The following BMPR1B variants were observed in gnomAD, a reference collection of about 807,000 sequenced individuals.
BMPR1B encodes the protein bone morphogenetic protein receptor type 1B.
A neutral mutation model predicts 59.1 loss-of-function variants in BMPR1B; 12 were observed. That is an observed-to-expected ratio of 0.20 (90% CI 0.13 to 0.33). BMPR1B has a LOEUF of 0.33. Ranked by LOEUF, BMPR1B falls within the 10% of genes least tolerant of loss-of-function variation. BMPR1B has a pLI of 1.00. For synonymous variants in BMPR1B, 237 were observed against 207.3 expected (o/e 1.14, Z -1.23); for missense variants, 550 against 610.9 (o/e 0.90, Z 1.05).
chr4:94,967,489 C>CT (rs1730597650), intron 2 of BMPR1B, among the ~76,000 whole-genome samples: 2 of 151,512 alleles, frequency 1.3e-5, no homozygotes, highest in Admixed American at 6.6e-5. Context: ...CTCTTTCTTT[C>CT]TTTTTTTTCT....
At chr4:94,912,197 C>T (rs971203007) in intron 2 of BMPR1B, among the ~76,000 whole-genome samples, 2 of 152,124 alleles carry the variant, frequency 1.3e-5, no homozygotes, top group African/African-American at 4.8e-5. Flanking sequence ...CACCGGGTCC[C>T]TCCAACAACA....
chr4:94,833,346 C>T (rs1724677321), intron 1 of BMPR1B, among the ~76,000 whole-genome samples: 1 of 152,098 alleles, frequency 6.6e-6, no homozygotes, highest in South Asian at 2.1e-4. Context: ...TTCATTTGAC[C>T]TTCAATAGCC....
intron 3 of BMPR1B, among the ~76,000 whole-genome samples, chr4:95,019,919 A>G (rs1026583703): frequency 1.3e-5 from 2 of 152,198 alleles, no homozygotes; most frequent in Non-Finnish European, 2.9e-5. Flanking sequence ...AAAATCAGAA[A>G]TAGTTACTGC....
chr4:94,875,450 C>T (rs1348782981), intron 1 of BMPR1B, among the ~76,000 whole-genome samples: 4 of 152,066 alleles, frequency 2.6e-5, no homozygotes, highest in Non-Finnish European at 5.9e-5. Context: ...TTTGGGAGGC[C>T]GAGGTGGGTG....
intron 1 of BMPR1B, among the ~76,000 whole-genome samples, chr4:94,839,989 TG>T (rs200584448): frequency 0.12 from 18,036 of 151,616 alleles, 1,122 homozygotes; most frequent in Non-Finnish European, 0.13. Flanking sequence ...TTTGCTTGTT[TG>T]TAAAGTATTT....
At chr4:94,871,578 A>C (rs1045797260) in intron 1 of BMPR1B, among the ~76,000 whole-genome samples, 3 of 152,198 alleles carry the variant, frequency 2.0e-5, no homozygotes, top group African/African-American at 4.8e-5. Context: ...ACTTAATTTT[A>C]CATCAGAATC....
rs763269935 is a variant in BMPR1B, at chr4:95,020,760, C to T, written c.-18+24626C>T. Among the ~76,000 whole-genome samples the T allele has an allele frequency of 3.7e-4, 57 of 152,164 alleles. 1 individual carries two copies. The highest frequency in any genetic ancestry group is 7.3e-5 in the Non-Finnish European group (5 of 68,038). On this transcript the variant is annotated intron_variant, in intron 3 of 12. Transcript: ENST00000515059. Reference sequence around the variant, plus strand: ...CTAGGCTAGAGTACAGTGGCACGATCGTTACTCACTGCAGCCTCCAACTCC... The same window carrying T: ...CTAGGCTAGAGTACAGTGGCACGATTGTTACTCACTGCAGCCTCCAACTCC...
At chr4:95,024,107 G>A (rs149254326) in intron 3 of BMPR1B, among the ~76,000 whole-genome samples, 166 of 152,276 alleles carry the variant, frequency 1.1e-3, no homozygotes, top group African/African-American at 3.8e-3. Flanking sequence ...ATTCAAAACT[G>A]CTAAATGTGT....
At chr4:95,096,798 T>A (rs11732048) in intron 3 of BMPR1B, among the ~76,000 whole-genome samples, 1 of 137,022 alleles carries the variant, frequency 7.3e-6, no homozygotes, top group African/African-American at 2.7e-5. Flanking sequence ...TATATCTATA[T>A]ATAGAATATA....
At chr4:94,874,139 GTA>G (rs1023495272) in intron 1 of BMPR1B, among the ~76,000 whole-genome samples, 1 of 151,970 alleles carries the variant, frequency 6.6e-6, no homozygotes, top group Non-Finnish European at 1.5e-5. Context: ...ATATATGTGT[GTA>G]TATATATGTG....
At chr4:94,824,334 G>A (rs574465566) in intron 1 of BMPR1B, among the ~76,000 whole-genome samples, 2 of 152,168 alleles carry the variant, frequency 1.3e-5, no homozygotes, top group East Asian at 1.9e-4. Context: ...CTTTGTGCTG[G>A]TACACAGTTC....
intron 4 of BMPR1B, among the ~76,000 whole-genome samples, chr4:95,107,604 CCTTT>C (rs1560658671): frequency 1.3e-5 from 2 of 152,000 alleles, no homozygotes; most frequent in African/African-American, 2.4e-5. Flanking sequence ...TTTACTTTTA[CCTTT>C]CTTTATTCAT....
intron 2 of BMPR1B, among the ~76,000 whole-genome samples, chr4:94,911,748 A>C (rs1242958106): frequency 6.6e-6 from 1 of 152,144 alleles, no homozygotes; most frequent in African/African-American, 2.4e-5. Flanking sequence ...GCTTCAGTAC[A>C]TCTAAGGTAT....
In BMPR1B at chr4:94,841,022, G is replaced by T. The variant is rs1001422646; in HGVS notation, c.-182-34809G>T. The stretch of plus-strand genomic sequence containing the variant: ...TGCAGGTCTGTTGGAGTACCCTGCC[G>T]TGTGAGGTGTCAGTGTGCCCCTGCT... On this transcript the variant is annotated intron_variant, in intron 1 of 12. Transcript: ENST00000515059. Among the ~76,000 whole-genome samples, 3 of 147,352 alleles carry T rather than the reference G, an allele frequency of 2.0e-5. 1 individual carries two copies. The highest frequency in any genetic ancestry group is 3.0e-5 in the Non-Finnish European group (2 of 66,194).
rs1324306128 is a variant in BMPR1B, at chr4:94,996,079, C to T, written c.-73C>T. 1 of 152,140 alleles carries T rather than the reference C, an allele frequency of 6.6e-6. No homozygotes were observed. The highest frequency in any genetic ancestry group is 1.5e-5 in the Non-Finnish European group (1 of 68,032). 9.4% of individuals were successfully genotyped at this position (152,140 alleles called of 1,614,324 possible). Reference sequence around the variant, plus strand: ...TGATTCATAACCATTTGGCTCTGAGCTATGACAAGAGAGGAAACAAAAAGT... The same window carrying T: ...TGATTCATAACCATTTGGCTCTGAGTTATGACAAGAGAGGAAACAAAAAGT... On this transcript the variant is annotated 5_prime_UTR_variant, in exon 3 of 13. Coordinates refer to ENST00000515059, the MANE Select transcript of BMPR1B (RefSeq NM_001203.3).
At chr4:94,991,998 A>C (rs1560583957) in intron 2 of BMPR1B, among the ~76,000 whole-genome samples, 1 of 152,196 alleles carries the variant, frequency 6.6e-6, no homozygotes, top group Non-Finnish European at 1.5e-5. Context: ...CAACACAGAT[A>C]TCTAAAGTTC....
intron 2 of BMPR1B, among the ~76,000 whole-genome samples, chr4:94,973,943 T>G (rs1730910971): frequency 6.6e-6 from 1 of 152,204 alleles, no homozygotes; most frequent in South Asian, 2.1e-4. Context: ...AAAAAAGTGG[T>G]TACAATGTCG....
At chr4:94,944,568 A>G (rs1314424886) in intron 2 of BMPR1B, among the ~76,000 whole-genome samples, 18 of 152,214 alleles carry the variant, frequency 1.2e-4, no homozygotes, top group Non-Finnish European at 1.0e-4. Context: ...GACCATGTGC[A>G]GTTTTCCTTC....
rs1051275142 is a variant in BMPR1B at position 95,114,970 on chromosome 4, A to G, written c.246+148A>G. 6.5e-6 allele frequency: 5 copies of G among 767,178 alleles called. No homozygotes were observed. In the African/African-American group the frequency reaches 8.6e-5, roughly 13 times the overall value. The allele number at this position is 767,178 out of a possible 1,614,324, so 47.5% of individuals were successfully genotyped here. A position where few individuals can be genotyped will look rare whatever the true frequency, so the allele number is the denominator to read the frequency against. On this transcript the variant is annotated intron_variant, in intron 5 of 12. Coordinates refer to ENST00000515059, the MANE Select transcript of BMPR1B (RefSeq NM_001203.3). ...AACATTTAGGTCAGCAACAGATGGT[A>G]TGTATGATGACAGTGGATGGTGGTC...
Sources: allele counts gnomAD v4.1 joint callset (sites outside exome capture counted in the v4.1 genomes callset), GRCh38; gene constraint gnomAD v4.1.1; transcripts MANE v1.5; gene names NCBI Gene and HGNC (gene_info 2026-07-23, HGNC 2026-07-21).